The following BBS9 variants were observed in gnomAD, a reference collection of about 807,000 sequenced individuals.
BBS9 encodes protein PTHB1.
In BBS9, 89 loss-of-function variants were observed where a neutral mutation model predicts 117.7. The ratio of observed to expected loss-of-function variants is 0.76; its 90% CI spans 0.64 to 0.90. BBS9 has a LOEUF of 0.90. BBS9 is among the 40% of genes least tolerant of loss of function. The pLI, the probability that BBS9 is intolerant of heterozygous loss-of-function variation, is 0.00. For synonymous variants in BBS9, 379 were observed against 370.9 expected (o/e 1.02, Z -0.25); for missense variants, 982 against 1,042.2 (o/e 0.94, Z 0.80).
At chr7:33,407,960 C>T (rs1177971066) in intron 19 of BBS9, among the ~76,000 whole-genome samples, 1 of 152,224 alleles carries the variant, frequency 6.6e-6, no homozygotes, top group African/African-American at 2.4e-5. Flanking sequence ...CACTGCTCTC[C>T]TCAAAGCTGT....
At chr7:33,272,330 T>C (rs1403671978) in intron 7 of BBS9, among the ~76,000 whole-genome samples, 1 of 152,282 alleles carries the variant, frequency 6.6e-6, no homozygotes, top group South Asian at 2.1e-4. Flanking sequence ...CAAACCTTCC[T>C]ATGTATCCCT....
chr7:33,605,201 C>T lies in BBS9; in HGVS notation c.2639C>T (p.Ser880Leu), dbSNP rs750907204. ...LTAETPRPEVSPLQGVSE is the reference protein window; with the variant it reads ...LTAETPRPEVLPLQGVSE ...TTACTCTCTTTTTTTCCAGAAGTTT[C>T]ACCCCTCCAAGGAGTCTCGGAATAA... The change falls in exon 23 of 23, where the codon TCA (serine) becomes TTA (leucine). Residue 880 changes from serine (S) to leucine (L), a missense_variant. Ser to Leu is a moderately radical substitution (Grantham distance 145, BLOSUM62 -2). Coordinates refer to ENST00000242067, the MANE Select transcript of BBS9 (RefSeq NM_198428.3). 1 of 1,612,474 alleles carries T rather than the reference C, an allele frequency of 6.2e-7. No individual in the cohort carries two copies. Among genetic ancestry groups the T allele is most frequent in the Non-Finnish European group, 8.5e-7 (1 of 1,178,550 alleles).
intron 19 of BBS9, among the ~76,000 whole-genome samples, chr7:33,404,144 A>G (rs1297550229): frequency 2.6e-5 from 4 of 152,140 alleles, no homozygotes; most frequent in African/African-American, 9.7e-5. Flanking sequence ...GTCAAAGATC[A>G]GATGGTTGTA....
intron 9 of BBS9, among the ~76,000 whole-genome samples, chr7:33,319,811 T>C (rs6462469): frequency 0.13 from 19,051 of 152,134 alleles, 1,487 homozygotes; most frequent in African/African-American, 0.21. Context: ...TCCATGTATC[T>C]GACAAAGGAC....
chr7:33,346,285 A>G (rs1464030367), intron 12 of BBS9: 1 of 470,054 alleles, frequency 2.1e-6, no homozygotes, highest in Non-Finnish European at 4.4e-6. Flanking sequence ...AATTGAGAAA[A>G]TTTTTCCATC....
At chr7:33,232,982 T>A (rs1403531980) in intron 5 of BBS9, among the ~76,000 whole-genome samples, 1 of 152,180 alleles carries the variant, frequency 6.6e-6, no homozygotes, top group African/African-American at 2.4e-5. Context: ...AACCCATAAT[T>A]CTATTACAAT....
At chr7:33,586,430 C>A (rs989456973) in intron 21 of BBS9, among the ~76,000 whole-genome samples, 1 of 151,856 alleles carries the variant, frequency 6.6e-6, no homozygotes, top group African/African-American at 2.4e-5. Context: ...AAAGGGAATG[C>A]TTATATACTG....
chr7:33,606,888 T>C (rs892420752), downstream of BBS9, among the ~76,000 whole-genome samples: 2 of 152,128 alleles, frequency 1.3e-5, no homozygotes, highest in Non-Finnish European at 2.9e-5. Flanking sequence ...CAACATTTAG[T>C]GTATTCTCTC....
At chr7:33,184,241 G>A (rs777223450) in intron 5 of BBS9, among the ~76,000 whole-genome samples, 1 of 152,142 alleles carries the variant, frequency 6.6e-6, no homozygotes, top group Non-Finnish European at 1.5e-5. Context: ...CAAAGTTCAG[G>A]TGGTTGCTTG....
rs567724408 is a variant in BBS9, at chr7:33,154,773, C to T, written c.264-865C>T. On this transcript the variant is annotated intron_variant, in intron 3 of 22. Coordinates refer to ENST00000242067, the MANE Select transcript of BBS9 (RefSeq NM_198428.3). The stretch of plus-strand genomic sequence containing the variant: ...ACAGGTGTGAGCCATTACACCTGGC[C>T]GCCTGCTCAGTATTTTAAATTTAAA... 3.7e-3 allele frequency among the ~76,000 whole-genome samples: 564 copies of T among 152,290 alleles called. 1 individual carries two copies. Among genetic ancestry groups the T allele is most frequent in the Non-Finnish European group, 6.2e-3 (421 of 68,024 alleles).
At chr7:33,527,878 T>A (rs1412255108) in intron 20 of BBS9, among the ~76,000 whole-genome samples, 1 of 152,208 alleles carries the variant, frequency 6.6e-6, no homozygotes, top group Non-Finnish European at 1.5e-5. Flanking sequence ...TATTTGGAAA[T>A]AATCTGAACC....
At chr7:33,634,329 G>A (rs956432989) in intron 21 of BBS9, among the ~76,000 whole-genome samples, 17 of 152,236 alleles carry the variant, frequency 1.1e-4, no homozygotes, top group African/African-American at 4.1e-4. Flanking sequence ...CATGGAGCTT[G>A]TTTGGACTCT....
At chr7:33,220,955 T>C (rs2128238922) in intron 5 of BBS9, among the ~76,000 whole-genome samples, 1 of 152,380 alleles carries the variant, frequency 6.6e-6, no homozygotes, top group South Asian at 2.1e-4. Flanking sequence ...CCATGTACCT[T>C]CTCTAAAGTG....
intron 9 of BBS9, among the ~76,000 whole-genome samples, chr7:33,279,331 CT>C (rs1294118116): frequency 6.6e-6 from 1 of 152,180 alleles, no homozygotes; most frequent in Non-Finnish European, 1.5e-5. Context: ...CCACCTTGGC[CT>C]CCCCAAGTGC....
chr7:33,239,585 C>T (rs1457463435), intron 5 of BBS9, among the ~76,000 whole-genome samples: 1 of 152,036 alleles, frequency 6.6e-6, no homozygotes, highest in African/African-American at 2.4e-5. Flanking sequence ...TTTGCCTAAT[C>T]ATACAGATGT....
intron 19 of BBS9, among the ~76,000 whole-genome samples, chr7:33,462,148 A>G (rs988621196): frequency 6.6e-6 from 1 of 152,094 alleles, no homozygotes; most frequent in South Asian, 2.1e-4. Context: ...TGATTACACA[A>G]GAATGTTTTA....
intron 19 of BBS9, among the ~76,000 whole-genome samples, chr7:33,441,305 G>A (rs552969395): frequency 1.5e-4 from 23 of 152,058 alleles, no homozygotes; most frequent in African/African-American, 4.3e-4. Flanking sequence ...AAATAAAAGG[G>A]TGGGGAGAAA....
At chr7:33,288,474 T>A (rs2128393090) in intron 9 of BBS9, among the ~76,000 whole-genome samples, 1 of 152,328 alleles carries the variant, frequency 6.6e-6, no homozygotes, top group East Asian at 1.9e-4. Context: ...TTGAATAATG[T>A]AACATGATGA....
In BBS9 at chr7:33,302,528, G is replaced by A. The variant is rs537692227; in HGVS notation, c.1016+28572G>A. The stretch of plus-strand genomic sequence containing the variant: ...AGGTTTCTCAGCATTATTTATTGAA[G>A]AAACTGTCCTTTCCTCAATTTATGT... On this transcript the variant is annotated intron_variant, in intron 9 of 22. Transcript: ENST00000242067. 3.3e-5 allele frequency among the ~76,000 whole-genome samples: 5 copies of A among 152,228 alleles called. No individual in the cohort carries two copies. The East Asian group carries it at 9.6e-4, about 29-fold the overall frequency.
Sources: allele counts gnomAD v4.1 joint callset (sites outside exome capture counted in the v4.1 genomes callset), GRCh38; gene constraint gnomAD v4.1.1; transcripts MANE v1.5; gene names NCBI Gene and HGNC (gene_info 2026-07-23, HGNC 2026-07-21).